KHDRBS3: variants seen among roughly 807,000 people sequenced by gnomAD.
KHDRBS3 encodes KH RNA binding domain containing, signal transduction associated 3.
Under a neutral mutation model 45.6 loss-of-function variants are expected in KHDRBS3, and 23 were observed. The ratio of observed to expected loss-of-function variants is 0.50; its 90% CI spans 0.36 to 0.72. The LOEUF is 0.72. Among genes scored for constraint, KHDRBS3 ranks in the 30% least tolerant of loss-of-function variants. The probability of loss-of-function intolerance (pLI) is 0.00; values close to 1 mark genes in which losing one functional copy is unlikely to be tolerated. For missense variants in KHDRBS3, 352 were observed against 424.8 expected (o/e 0.83, Z 1.51); for synonymous variants, 162 against 156.5 (o/e 1.04, Z -0.26).
At chr8:135,649,291 G>C (rs1372273911), downstream of KHDRBS3, among the ~76,000 whole-genome samples, 1 of 152,072 alleles carries the variant, frequency 6.6e-6, no homozygotes, top group Non-Finnish European at 1.5e-5. Context: ...TTAGCAGTGT[G>C]ACTTTGGGCA....
intron 4 of KHDRBS3, among the ~76,000 whole-genome samples, chr8:135,551,512 T>G (rs1826599291): frequency 6.6e-6 from 1 of 152,202 alleles, no homozygotes; most frequent in Admixed American, 6.5e-5. Context: ...GATGATTGTG[T>G]GGTTTTATTC....
chr8:135,613,081 CAG>C (rs1313595985), intron 7 of KHDRBS3, among the ~76,000 whole-genome samples: 7 of 151,756 alleles, frequency 4.6e-5, no homozygotes, highest in African/African-American at 1.7e-4. Flanking sequence ...CCACAAGCCG[CAG>C]AGAGAGAACT....
intron 5 of KHDRBS3, 122 bp from the exon 6 acceptor site, chr8:135,581,756 T>A: frequency 1.2e-6 from 1 of 821,624 alleles, no homozygotes; most frequent in Non-Finnish European, 1.8e-6. Flanking sequence ...TGCTTGTGAC[T>A]TCCTTCTTCC....
intron 1 of KHDRBS3, among the ~76,000 whole-genome samples, chr8:135,467,743 A>G (rs1231932794): frequency 1.3e-5 from 2 of 152,258 alleles, no homozygotes. Context: ...GAAAAGTTCA[A>G]TCACTTGGTT....
chr8:135,628,224 C>T (rs751464441), intron 7 of KHDRBS3, among the ~76,000 whole-genome samples: 28 of 152,094 alleles, frequency 1.8e-4, no homozygotes, highest in East Asian at 5.8e-4. Context: ...TTCCATTCCC[C>T]GGTTGACACT....
At chr8:135,644,328 G>A (rs1831192504) in intron 7 of KHDRBS3, among the ~76,000 whole-genome samples, 1 of 152,082 alleles carries the variant, frequency 6.6e-6, no homozygotes, top group African/African-American at 2.4e-5. Context: ...ACGTGGATTT[G>A]CCTGTACTTT....
At chr8:135,526,660 A>T (rs1480551434) in intron 2 of KHDRBS3, among the ~76,000 whole-genome samples, 1 of 152,218 alleles carries the variant, frequency 6.6e-6, no homozygotes, top group Non-Finnish European at 1.5e-5. Context: ...GTACACTTCC[A>T]GCTTCTGGGG....
chr8:135,562,696 G>T (rs367558487), intron 5 of KHDRBS3, among the ~76,000 whole-genome samples: 1 of 152,158 alleles, frequency 6.6e-6, no homozygotes, highest in African/African-American at 2.4e-5. Context: ...AAAAACGTAC[G>T]TATTACAACA....
At chr8:135,607,116 G>T in intron 7 of KHDRBS3, 79 bp downstream of exon 7, 2 of 1,136,552 alleles carry the variant, frequency 1.8e-6, no homozygotes, top group East Asian at 2.4e-5. Flanking sequence ...GAAAAGTATG[G>T]CAGTCAGCTA....
Position 135,550,654 on chromosome 8 carries a change from G to A in KHDRBS3, c.471+1754G>A, listed in dbSNP as rs982917878. On this transcript the variant is annotated intron_variant, in intron 4 of 8. Coordinates refer to ENST00000355849, the MANE Select transcript of KHDRBS3 (RefSeq NM_006558.3). ...TTAAGTAAATCTGGAAATCTAGGTT[G>A]TGTAAATTGTCCACCTTTGTTCTTT... Among the ~76,000 whole-genome samples, 7 of 152,174 alleles carry A rather than the reference G, an allele frequency of 4.6e-5. No homozygotes were observed. In the East Asian group the frequency reaches 7.8e-4, roughly 17 times the overall value.
At chr8:135,649,167 G>T (rs1427548446), downstream of KHDRBS3, among the ~76,000 whole-genome samples, 1 of 152,000 alleles carries the variant, frequency 6.6e-6, no homozygotes, top group Non-Finnish European at 1.5e-5. Flanking sequence ...TATTATTTTT[G>T]TCTCTCTTTT....
rs548425607 is a variant in KHDRBS3 at position 135,637,991 on chromosome 8, A to G, written c.891-7068A>G. Among the ~76,000 whole-genome samples the G allele has an allele frequency of 2.6e-5, 4 of 152,278 alleles. No individual in the cohort carries two copies. The South Asian group carries it at 8.3e-4, about 32-fold the overall frequency. On this transcript the variant is annotated intron_variant, in intron 7 of 8. Coordinates refer to ENST00000355849, the MANE Select transcript of KHDRBS3 (RefSeq NM_006558.3). ...TAAAATCCCATGAAGTGACAGAAAC[A>G]AGTTTTGAAAGATTCCTGAGAAAGA...
intron 6 of KHDRBS3, among the ~76,000 whole-genome samples, chr8:135,606,305 A>T (rs1199028138): frequency 6.6e-6 from 1 of 151,816 alleles, no homozygotes; most frequent in Non-Finnish European, 1.5e-5. Flanking sequence ...CCTGTTTTGG[A>T]CACCTCATTC....
chr8:135,635,474 C>T (rs943527836), intron 7 of KHDRBS3, among the ~76,000 whole-genome samples: 1 of 152,190 alleles, frequency 6.6e-6, no homozygotes, highest in Non-Finnish European at 1.5e-5. Flanking sequence ...AACTCTGCTT[C>T]CCAGGTTCAA....
chr8:135,475,700 AATG>A (rs1329423259), intron 1 of KHDRBS3, among the ~76,000 whole-genome samples: 1 of 152,158 alleles, frequency 6.6e-6, no homozygotes, highest in Non-Finnish European at 1.5e-5. Flanking sequence ...TATTAATAAT[AATG>A]ATCTGTGATT....
chr8:135,583,091 G>A (rs748153421), intron 6 of KHDRBS3, among the ~76,000 whole-genome samples: 9 of 152,240 alleles, frequency 5.9e-5, no homozygotes, highest in East Asian at 1.9e-4. Flanking sequence ...CCTTCTACAC[G>A]TAGGTCAATC....
At chr8:135,491,354 C>T (rs1823141577) in intron 1 of KHDRBS3, among the ~76,000 whole-genome samples, 1 of 151,732 alleles carries the variant, frequency 6.6e-6, no homozygotes, top group South Asian at 2.1e-4. Flanking sequence ...TGTTAGGTAC[C>T]TAAGGAGGGA....
chr8:135,516,841 A>T (rs1221497830), intron 1 of KHDRBS3, among the ~76,000 whole-genome samples: 2 of 152,204 alleles, frequency 1.3e-5, no homozygotes, highest in Non-Finnish European at 2.9e-5. Context: ...TCTAGAAATG[A>T]AGTTGCTAGA....
intron 1 of KHDRBS3, among the ~76,000 whole-genome samples, chr8:135,514,800 CT>C: frequency 6.6e-6 from 1 of 152,230 alleles, no homozygotes; most frequent in Middle Eastern, 3.4e-3. Context: ...TTGCAAACTT[CT>C]TAACCATTTC....
Sources: gnomAD v4.1 joint callset for allele counts (sites outside exome capture counted in the v4.1 genomes callset) on GRCh38, gnomAD v4.1.1 for gene constraint, MANE v1.5 for transcripts, NCBI Gene and HGNC (gene_info 2026-07-23, HGNC 2026-07-21) for gene names.